LSM11: variants seen among roughly 807,000 people sequenced by gnomAD.
The protein encoded by LSM11 is U7 snRNA-associated Sm-like protein LSm11.
Under a neutral mutation model 28.1 loss-of-function variants are expected in LSM11, and 14 were observed. That is an observed-to-expected ratio of 0.50 (90% CI 0.33 to 0.78). LSM11 has a LOEUF of 0.78. Among genes scored for constraint, LSM11 ranks in the 30% least tolerant of loss-of-function variants. The probability of loss-of-function intolerance (pLI) is 0.02; values close to 1 mark genes in which losing one functional copy is unlikely to be tolerated. For missense variants in LSM11, 495 were observed against 510.6 expected, an observed-to-expected ratio of 0.97 and a Z score of 0.30; for synonymous variants, 207 against 214.2, an observed-to-expected ratio of 0.97 and a Z score of 0.30.
chr5:157,752,990 T>A (rs1489282576), intron 2 of LSM11, among the ~76,000 whole-genome samples: 1 of 152,148 alleles, frequency 6.6e-6, no homozygotes, highest in African/African-American at 2.4e-5. Flanking sequence ...TAACATATAT[T>A]GAGTACCTGC....
Position 157,755,393 on chromosome 5 carries a change from C to G in LSM11, c.*129C>G, listed in dbSNP as rs1304736251. ...GGTCCTGCATATGCAGAGGACGGAG[C>G]AGGCTCAGCCCCCTGGAAGATGAGC... On this transcript the variant is annotated 3_prime_UTR_variant, in exon 4 of 4. Transcript: ENST00000286307. The G allele has an allele frequency of 9.7e-7, 1 of 1,033,468 alleles. No homozygotes were observed. Among genetic ancestry groups the G allele is most frequent in the African/African-American group, 1.6e-5 (1 of 62,166 alleles). The allele number at this position is 1,033,468 out of a possible 1,614,324, so 64.0% of individuals were successfully genotyped here. A position where few individuals can be genotyped will look rare whatever the true frequency, so the allele number is the denominator to read the frequency against.
Position 157,754,869 on chromosome 5 carries a change from A to C in LSM11, c.688A>C (p.Lys230Gln). ...TGCTTTATAGCTATTTGATCGGCTGAAACTTCAAGATTCCTCCAAGAAGGA... is the reference window on the plus strand; with the variant it reads ...TGCTTTATAGCTATTTGATCGGCTGCAACTTCAAGATTCCTCCAAGAAGGA... The part of the protein sequence containing the change: ...LTLTRLFDRL[K>Q]LQDSSKKEAD... Residue 230 changes from lysine (K) to glutamine (Q), a missense_variant, in exon 4 of 4, where the codon AAA becomes CAA. By Grantham distance (53) the Lys-to-Gln change is moderately conservative. Coordinates refer to ENST00000286307, the MANE Select transcript of LSM11 (RefSeq NM_173491.4). 7.4e-6 allele frequency: 12 copies of C among 1,613,548 alleles called. No individual in the cohort carries two copies. Among genetic ancestry groups the C allele is most frequent in the Non-Finnish European group, 9.3e-6 (11 of 1,179,592 alleles).
rs983520479 is a variant in LSM11, at chr5:157,759,463, A to G, written c.*4199A>G. ...TAAATTGCTTCTTTAAGTTTTCTCT[A>G]AATTTTGCCTCTAGGAAAAAATTAA... On this transcript the variant is annotated 3_prime_UTR_variant, in exon 4 of 4. Coordinates refer to ENST00000286307, the MANE Select transcript of LSM11 (RefSeq NM_173491.4). 1.1e-4 allele frequency: 17 copies of G among 152,258 alleles called. No individual in the cohort carries two copies. Among genetic ancestry groups the G allele is most frequent in the Admixed American group, 7.2e-4 (11 of 15,290 alleles). The allele number at this position is 152,258 out of a possible 1,614,324, so 9.4% of individuals were successfully genotyped here. A position where few individuals can be genotyped will look rare whatever the true frequency, so the allele number is the denominator to read the frequency against.
rs1405672499 is a variant in LSM11, at chr5:157,755,638, TA to T, written c.*378del. On this transcript the variant is annotated 3_prime_UTR_variant, in exon 4 of 4. Coordinates refer to ENST00000286307, the MANE Select transcript of LSM11 (RefSeq NM_173491.4). ...GTCTCAAAAAGAAGTATTGCATGTC[TA>T]AAAGCTAGTGCCCTGAGTACTCATG... 2.3e-6 allele frequency: 1 copy of T among 428,442 alleles called. No individual in the cohort carries two copies. The highest frequency in any genetic ancestry group is 2.0e-5 in the African/African-American group (1 of 49,172). 26.5% of individuals were successfully genotyped at this position (428,442 alleles called of 1,614,324 possible).
intron 1 of LSM11, among the ~76,000 whole-genome samples, chr5:157,750,982 A>G (rs945471186): frequency 6.6e-6 from 1 of 152,130 alleles, no homozygotes; most frequent in Non-Finnish European, 1.5e-5. Flanking sequence ...GGGTTTCACC[A>G]TGTTGGCCAG....
chr5:157,747,166 A>G (rs958803978), intron 1 of LSM11, among the ~76,000 whole-genome samples: 8 of 152,184 alleles, frequency 5.3e-5, no homozygotes, highest in Non-Finnish European at 8.8e-5. Context: ...TCTAGTGTCT[A>G]TATTTCTCCT....
At position 157,755,880 on chromosome 5, in the gene LSM11, A is replaced by G. The variant is rs1581453785; in HGVS notation, c.*616A>G. The G allele has an allele frequency of 2.0e-5, 8 of 396,428 alleles. No homozygotes were observed. The East Asian group carries it at 2.9e-4, about 14-fold the overall frequency. The allele number at this position is 396,428 out of a possible 1,614,324, so 24.6% of individuals were successfully genotyped here. Reference sequence around the variant, plus strand: ...AGCCAGCAATGAGTGCTCTGTTTTGATCCTTCTTCTTATTATGGAAAGGAG... The same window carrying G: ...AGCCAGCAATGAGTGCTCTGTTTTGGTCCTTCTTCTTATTATGGAAAGGAG... On this transcript the variant is annotated 3_prime_UTR_variant, in exon 4 of 4. Coordinates refer to ENST00000286307, the MANE Select transcript of LSM11 (RefSeq NM_173491.4).
chr5:157,744,208 C>A lies in LSM11; in HGVS notation c.448+10C>A. ...CTCACGCGAATGCCCTGTGAGTCCG[C>A]GGGCCGGGCGGGAAGCGGGGCAGCC... On this transcript the variant is annotated intron_variant, in intron 1 of 3. Coordinates refer to ENST00000286307, the MANE Select transcript of LSM11 (RefSeq NM_173491.4). The A allele has an allele frequency of 2.4e-6, 3 of 1,260,012 alleles. No homozygotes were observed. Among genetic ancestry groups the A allele is most frequent in the Middle Eastern group, 3.0e-4 (1 of 3,358 alleles). The allele number at this position is 1,260,012 out of a possible 1,614,324, so 78.1% of individuals were successfully genotyped here.
At chr5:157,746,454 A>G (rs377353443) in intron 1 of LSM11, among the ~76,000 whole-genome samples, 21 of 152,368 alleles carry the variant, frequency 1.4e-4, no homozygotes, top group African/African-American at 3.6e-4. Flanking sequence ...TACCCATCCA[A>G]ATTCACAGAG....
rs560873778 is a variant in LSM11, at chr5:157,750,969, A to G, written c.449-421A>G. On this transcript the variant is annotated intron_variant, in intron 1 of 3. Transcript: ENST00000286307. ...GCTAATTTTTGTATTTTTAGTGGAG[A>G]TGGGGTTTCACCATGTTGGCCAGGC... Among the ~76,000 whole-genome samples, 19 of 152,160 alleles carry G rather than the reference A, an allele frequency of 1.2e-4. No homozygotes were observed. The South Asian group carries it at 2.7e-3, about 22-fold the overall frequency.
chr5:157,746,648 A>G (rs1761152473), intron 1 of LSM11, among the ~76,000 whole-genome samples: 1 of 152,180 alleles, frequency 6.6e-6, no homozygotes, highest in Non-Finnish European at 1.5e-5. Context: ...AGTGGCTCAC[A>G]CCTGTAATCC....
chr5:157,751,312 AAGTTGGGTGGTCGT>A (rs1168552316), intron 1 of LSM11, 64 bp from the exon 2 acceptor site: 3 of 1,474,344 alleles, frequency 2.0e-6, no homozygotes, highest in Non-Finnish European at 2.7e-6. Flanking sequence ...TTGCTGGCCG[AAGTTGGGTGGTCGT>A]GGCTTAATTC....
rs1245498781 is a variant in LSM11, at chr5:157,760,534, C to T, written c.*5270C>T. 6.6e-6 allele frequency: 1 copy of T among 152,198 alleles called. No individual in the cohort carries two copies. Among genetic ancestry groups the T allele is most frequent in the East Asian group, 1.9e-4 (1 of 5,202 alleles). The allele number at this position is 152,198 out of a possible 1,614,324, so 9.4% of individuals were successfully genotyped here. A position where few individuals can be genotyped will look rare whatever the true frequency, so the allele number is the denominator to read the frequency against. ...TATAGTTTCACTGCTCATATACCAG[C>T]TGCTACAAGAAAAACCATGACTTGT... On this transcript the variant is annotated 3_prime_UTR_variant, in exon 4 of 4. Transcript: ENST00000286307.
At chr5:157,748,791 C>A (rs1761181871) in intron 1 of LSM11, among the ~76,000 whole-genome samples, 1 of 152,086 alleles carries the variant, frequency 6.6e-6, no homozygotes, top group Admixed American at 6.5e-5. Flanking sequence ...TTACATGTAG[C>A]AGGAGAAGGA....
chr5:157,753,642 T>C (rs953947285), intron 2 of LSM11, among the ~76,000 whole-genome samples: 26 of 152,146 alleles, frequency 1.7e-4, no homozygotes, highest in African/African-American at 6.3e-4. Flanking sequence ...AAACAAAAGG[T>C]TCCTGGGCTT....
rs1561621651 is a variant in LSM11, at chr5:157,754,965, G to T, written c.784G>T (p.Ala262Ser). 2 of 1,614,092 alleles carry T rather than the reference G, an allele frequency of 1.2e-6. No individual in the cohort carries two copies. Among genetic ancestry groups the T allele is most frequent in the East Asian group, 2.2e-5 (1 of 44,886 alleles). Residue 262 changes from alanine to serine, a missense_variant, in exon 4 of 4, where the codon GCT becomes TCT. Physicochemically the swap from Ala to Ser is moderately conservative, Grantham distance 99. Coordinates refer to ENST00000286307, the MANE Select transcript of LSM11 (RefSeq NM_173491.4). Reference protein sequence around the residue: ...RYSQTSTWKLASVWGRADTGR... With the variant: ...RYSQTSTWKLSSVWGRADTGR... ...CTCACAGACATCCACTTGGAAGTTG[G>T]CTTCAGTGTGGGGAAGAGCAGACAC...
intron 1 of LSM11, among the ~76,000 whole-genome samples, chr5:157,750,597 C>T (rs537646071): frequency 2.0e-5 from 3 of 152,230 alleles, no homozygotes; most frequent in African/African-American, 7.2e-5. Flanking sequence ...GGGTCAAAGG[C>T]CTTTCTTTCT....
chr5:157,753,313 T>A (rs1031307197), intron 2 of LSM11, among the ~76,000 whole-genome samples: 2 of 140,344 alleles, frequency 1.4e-5, no homozygotes, highest in Non-Finnish European at 3.1e-5. Flanking sequence ...TTTATTATGA[T>A]CTTTTTACCT....
chr5:157,754,994 C>G lies in LSM11; in HGVS notation c.813C>G (p.Gly271=). 6.2e-7 allele frequency: 1 copy of G among 1,614,166 alleles called. No homozygotes were observed. Among genetic ancestry groups the G allele is most frequent in the Non-Finnish European group, 8.5e-7 (1 of 1,180,030 alleles). Residue 271 remains glycine, a synonymous_variant, in exon 4 of 4, where the codon GGC becomes GGG. Coordinates refer to ENST00000286307, the MANE Select transcript of LSM11 (RefSeq NM_173491.4). ...LASVWGRADT[G]RGSHKRSRSV... ...CAGTGTGGGGAAGAGCAGACACTGG[C>G]CGGGGCTCACACAAGCGTTCCCGCT...
Sources: gnomAD v4.1 joint callset for allele counts (sites outside exome capture counted in the v4.1 genomes callset) on GRCh38, gnomAD v4.1.1 for gene constraint, MANE v1.5 for transcripts, NCBI Gene and HGNC (gene_info 2026-07-23, HGNC 2026-07-21) for gene names.